Variants in NRG3 observed in about 807,000 individuals in gnomAD.
The protein encoded by NRG3 is neuregulin 3.
In NRG3, 31 loss-of-function variants were observed where a neutral mutation model predicts 66.9. The observed-to-expected ratio is 0.46, with a 90% CI of 0.35 to 0.63. The LOEUF (loss-of-function observed/expected upper bound fraction) is 0.63. NRG3 is among the 20% of genes least tolerant of loss of function. NRG3 has a pLI of 0.00. For synonymous variants in NRG3, 393 were observed against 359.4 expected, an observed-to-expected ratio of 1.09 and a Z score of -1.06; for missense variants, 910 against 878.9, an observed-to-expected ratio of 1.04 and a Z score of -0.45.
At chr10:82,329,191 G>A (rs1388161313) in intron 1 of NRG3, among the ~76,000 whole-genome samples, 1 of 152,008 alleles carries the variant, frequency 6.6e-6, no homozygotes, top group Non-Finnish European at 1.5e-5. Flanking sequence ...TTTGGCTTGT[G>A]CCAGGGTGCT....
chr10:82,358,970 C>T, intron 2 of NRG3, 102 bp downstream of exon 2: 2 of 1,502,652 alleles, frequency 1.3e-6, no homozygotes, highest in Non-Finnish European at 1.8e-6. Flanking sequence ...GGGATACACA[C>T]AGTCCCACCG....
At chr10:82,382,192 C>T (rs968094634) in intron 2 of NRG3, among the ~76,000 whole-genome samples, 1 of 151,908 alleles carries the variant, frequency 6.6e-6, no homozygotes, top group African/African-American at 2.4e-5. Context: ...AAATTTGCAG[C>T]CCATGGGATC....
At chr10:82,436,845 A>G (rs1473075518) in intron 2 of NRG3, among the ~76,000 whole-genome samples, 1 of 152,126 alleles carries the variant, frequency 6.6e-6, no homozygotes, top group East Asian at 1.9e-4. Context: ...ATTTTCTTTA[A>G]GAGTGCTAAA....
intron 1 of NRG3, among the ~76,000 whole-genome samples, chr10:82,149,050 TTTTTTG>T (rs201152922): frequency 3.5e-5 from 4 of 115,886 alleles, no homozygotes; most frequent in South Asian, 2.7e-4. Flanking sequence ...ACATTCCTGT[TTTTTTG>T]TTTTTGTTTT....
At chr10:82,803,424 A>G (rs531134094) in intron 3 of NRG3, among the ~76,000 whole-genome samples, 1 of 152,368 alleles carries the variant, frequency 6.6e-6, no homozygotes, top group Non-Finnish European at 1.5e-5. Context: ...ATCATTGAAG[A>G]CAATTGCATC....
chr10:81,928,278 T>C (rs972467689), intron 1 of NRG3, among the ~76,000 whole-genome samples: 1 of 152,142 alleles, frequency 6.6e-6, no homozygotes, highest in Non-Finnish European at 1.5e-5. Flanking sequence ...TGGAAAGCTT[T>C]TTACCAGAAT....
chr10:82,119,407 T>C (rs965772661), intron 1 of NRG3, among the ~76,000 whole-genome samples: 1 of 152,186 alleles, frequency 6.6e-6, no homozygotes, highest in Admixed American at 6.5e-5. Context: ...GATGGAAGGT[T>C]TTATCTGCCT....
At chr10:82,878,920 A>G (rs1842060348) in intron 4 of NRG3, among the ~76,000 whole-genome samples, 1 of 151,884 alleles carries the variant, frequency 6.6e-6, no homozygotes, top group South Asian at 2.1e-4. Context: ...TATTATTCTC[A>G]TTTCTCTACC....
At chr10:82,202,727 C>G (rs1259803261) in intron 1 of NRG3, among the ~76,000 whole-genome samples, 1 of 151,980 alleles carries the variant, frequency 6.6e-6, no homozygotes, top group Non-Finnish European at 1.5e-5. Context: ...GCTGTAGACC[C>G]CTGTTGAGGT....
intron 1 of NRG3, among the ~76,000 whole-genome samples, chr10:82,209,183 G>A (rs890064346): frequency 6.6e-6 from 1 of 152,062 alleles, no homozygotes; most frequent in African/African-American, 2.4e-5. Flanking sequence ...ATCTTGCTTG[G>A]CACACAGCTA....
At chr10:82,688,686 T>C (rs2054690748) in intron 2 of NRG3, among the ~76,000 whole-genome samples, 1 of 152,034 alleles carries the variant, frequency 6.6e-6, no homozygotes, top group African/African-American at 2.4e-5. Context: ...TGCATATAAA[T>C]TAGAATTTTA....
intron 1 of NRG3, among the ~76,000 whole-genome samples, chr10:82,028,172 T>G (rs1270494324): frequency 1.3e-5 from 2 of 152,096 alleles, no homozygotes; most frequent in African/African-American, 4.8e-5. Flanking sequence ...ATGGATGCAA[T>G]GTCTGGAACT....
chr10:82,895,530 A>G (rs974939289), intron 4 of NRG3, among the ~76,000 whole-genome samples: 6 of 135,702 alleles, frequency 4.4e-5, no homozygotes, highest in African/African-American at 8.4e-5. Flanking sequence ...TCGCTCTGTC[A>G]CCCAGGCTGG....
At position 82,358,721 on chromosome 10, in the gene NRG3, CT is replaced by C. The variant is rs1564835614; in HGVS notation, c.824-17del. 4 of 1,614,022 alleles carry C rather than the reference CT, an allele frequency of 2.5e-6. No homozygotes were observed. In the East Asian group the frequency reaches 6.7e-5, roughly 27 times the overall value. ...AATGTACTGCTGACAGCGTTTCCCC[CT>C]GTGCTTTCCCTGACAGATACGACGA... On this transcript the variant is annotated splice_polypyrimidine_tract_variant and intron_variant, in intron 1 of 8. Transcript: ENST00000372141.
chr10:82,374,920 C>T (rs2085117605), intron 2 of NRG3, among the ~76,000 whole-genome samples: 2 of 152,156 alleles, frequency 1.3e-5, no homozygotes, highest in African/African-American at 2.4e-5. Flanking sequence ...CCTGCTAGTT[C>T]ACATACCTAC....
intron 4 of NRG3, among the ~76,000 whole-genome samples, chr10:82,878,489 T>C (rs1842027022): frequency 6.6e-6 from 1 of 152,200 alleles, no homozygotes; most frequent in Non-Finnish European, 1.5e-5. Context: ...TAAGCAACCC[T>C]GTGGACATTA....
intron 1 of NRG3, among the ~76,000 whole-genome samples, chr10:82,043,267 G>A (rs2063125742): frequency 6.6e-6 from 1 of 151,964 alleles, no homozygotes; most frequent in African/African-American, 2.4e-5. Flanking sequence ...TGAGAGGGAA[G>A]AAAACAAATA....
intron 1 of NRG3, among the ~76,000 whole-genome samples, chr10:81,894,334 G>GGAAA (rs1249577175): frequency 2.0e-5 from 3 of 151,748 alleles, no homozygotes; most frequent in Non-Finnish European, 4.4e-5. Flanking sequence ...TCTCAAAAAA[G>GGAAA]GAAAGAAAGA....
chr10:82,076,394 A>G (rs1396100963), intron 1 of NRG3, among the ~76,000 whole-genome samples: 2 of 152,194 alleles, frequency 1.3e-5, no homozygotes, highest in Non-Finnish European at 2.9e-5. Flanking sequence ...CTCATTATCC[A>G]TTTGATTTCT....
Sources: gnomAD v4.1 joint callset for allele counts (sites outside exome capture counted in the v4.1 genomes callset) on GRCh38, gnomAD v4.1.1 for gene constraint, MANE v1.5 for transcripts, NCBI Gene and HGNC (gene_info 2026-07-23, HGNC 2026-07-21) for gene names.